Variants in CHLSN observed in about 807,000 individuals in gnomAD.
The protein encoded by CHLSN is protein cholesin.
the CHLSN span, among the ~76,000 whole-genome samples, chr7:1,059,526 CGGGTCTTAGTGAGGT>C: frequency 3.7e-5 from 5 of 133,396 alleles, no homozygotes; most frequent in South Asian, 2.5e-4. Context: ...TGTAGTGAGG[CGGGTCTTAGTGAGGT>C]GGGTCTTAGT....
the CHLSN span, among the ~76,000 whole-genome samples, chr7:1,030,857 C>T: frequency 6.6e-6 from 1 of 152,214 alleles, no homozygotes; most frequent in Non-Finnish European, 1.5e-5. Flanking sequence ...CCACAGCCCA[C>T]ACCCCGGGCC....
chr7:1,028,757 TCCCCATCTCCCCTAGTCTGC>T, the CHLSN span: 10 of 606,678 alleles, frequency 1.6e-5, no homozygotes, highest in African/African-American at 5.0e-5. Context: ...CCCCAGTCTG[TCCCCATCTCCCCTAGTCTGC>T]CGCCATCTGT....
chr7:1,052,242 G>A, the CHLSN span, among the ~76,000 whole-genome samples: 3 of 152,350 alleles, frequency 2.0e-5, no homozygotes, highest in Non-Finnish European at 4.4e-5. This position sits in a 1 kb window ranked among gnomAD's most constrained non-coding sequence, Gnocchi z 4.2. Flanking sequence ...AGGCGCCTGC[G>A]TCGAGGCGTG....
At chr7:1,110,650 G>C in the CHLSN span, among the ~76,000 whole-genome samples, 1 of 152,236 alleles carries the variant, frequency 6.6e-6, no homozygotes, top group Non-Finnish European at 1.5e-5. Flanking sequence ...CGGCCACAGC[G>C]CTGTGGGGCG....
the CHLSN span, among the ~76,000 whole-genome samples, chr7:1,106,577 G>A: frequency 6.6e-6 from 1 of 152,200 alleles, no homozygotes; most frequent in Non-Finnish European, 1.5e-5. Flanking sequence ...CGGCCCACAT[G>A]AGCAAAAAGG....
At chr7:1,053,359 C>A in the CHLSN span, among the ~76,000 whole-genome samples, 9 of 152,338 alleles carry the variant, frequency 5.9e-5, no homozygotes, top group South Asian at 1.9e-3. Flanking sequence ...CAGGACAGGA[C>A]CCCGGCTAAT....
the CHLSN span, chr7:997,561 C>A: frequency 7.3e-7 from 1 of 1,367,066 alleles, no homozygotes; most frequent in Non-Finnish European, 9.6e-7. Context: ...GCCGGAGGAG[C>A]TGCACCCTGT....
At chr7:1,041,515 C>A in the CHLSN span, among the ~76,000 whole-genome samples, 1 of 152,152 alleles carries the variant, frequency 6.6e-6, no homozygotes, top group African/African-American at 2.4e-5. Context: ...CTGAACAACA[C>A]CACGTTTTAC....
chr7:1,024,958 G>C, the CHLSN span: 3 of 152,302 alleles, frequency 2.0e-5, no homozygotes, highest in Non-Finnish European at 4.4e-5. Context: ...TGGGGGAGCA[G>C]GTGCGGGCTC....
chr7:1,032,139 C>T, the CHLSN span, among the ~76,000 whole-genome samples: 1 of 152,192 alleles, frequency 6.6e-6, no homozygotes, highest in African/African-American at 2.4e-5. Flanking sequence ...CCAGACACAC[C>T]ACGCCCCAGA....
the CHLSN span, chr7:1,092,209 A>G: frequency 6.2e-7 from 1 of 1,613,062 alleles, no homozygotes; most frequent in Non-Finnish European, 8.5e-7. Context: ...CGCCCTGGCC[A>G]GGGCCATGCG....
At chr7:1,021,535 A>G in the CHLSN span, 10,403 of 985,372 alleles carry the variant, frequency 0.011, 795 homozygotes, top group African/African-American at 0.16. Flanking sequence ...AGCACTGTCC[A>G]TCCACCGCAC....
chr7:1,114,781 G>A, the CHLSN span, among the ~76,000 whole-genome samples: 1 of 152,254 alleles, frequency 6.6e-6, no homozygotes, highest in Non-Finnish European at 1.5e-5. Flanking sequence ...TGGCCCGGGA[G>A]CCATTCTGCC....
chr7:1,071,107 G>GA, the CHLSN span, among the ~76,000 whole-genome samples: 9 of 152,300 alleles, frequency 5.9e-5, no homozygotes, highest in South Asian at 1.2e-3. Context: ...AGGAGCCATG[G>GA]GGGGGCCATG....
chr7:1,079,478 T>A, the CHLSN span, among the ~76,000 whole-genome samples: 1 of 152,192 alleles, frequency 6.6e-6, no homozygotes, highest in Non-Finnish European at 1.5e-5. Flanking sequence ...CTGTCTACGC[T>A]GGGGAGACGG....
the CHLSN span, among the ~76,000 whole-genome samples, chr7:991,038 G>A: frequency 2.0e-5 from 3 of 147,540 alleles, no homozygotes; most frequent in East Asian, 2.2e-4. Context: ...CCGCCCTCCC[G>A]GCCCTGCAGG....
At chr7:1,086,774 G>T in the CHLSN span, 1 of 155,238 alleles carries the variant, frequency 6.4e-6, no homozygotes. Flanking sequence ...AGCCCACGCA[G>T]GTCTCTGAAC....
At chr7:1,058,415 C>G in the CHLSN span, 3 of 780,760 alleles carry the variant, frequency 3.8e-6, no homozygotes, top group Non-Finnish European at 7.2e-6. Context: ...GCTACATGAA[C>G]CAGAGCTTCC....
chr7:1,125,789 C>T, the CHLSN span, among the ~76,000 whole-genome samples: 3 of 152,202 alleles, frequency 2.0e-5, no homozygotes, highest in Non-Finnish European at 4.4e-5. Flanking sequence ...TGCCCTTCCA[C>T]GGGGTGGTAA....
Sources: gnomAD v4.1 joint callset for allele counts (sites outside exome capture counted in the v4.1 genomes callset) on GRCh38, gnomAD v4.1.1 for gene constraint, Gnocchi (gnomAD v3.1) non-coding constraint, MANE v1.5 for transcripts, NCBI Gene and HGNC (gene_info 2026-07-23, HGNC 2026-07-21) for gene names.